The following TBCK variants were observed in gnomAD, a reference collection of about 807,000 sequenced individuals.
TBCK encodes the protein TBC domain-containing protein kinase-like protein.
In TBCK, 99 loss-of-function variants were observed where a neutral mutation model predicts 113.4. That is an observed-to-expected ratio of 0.87 (90% CI 0.74 to 1.03). The LOEUF is 1.03. TBCK is among the 50% of genes least tolerant of loss of function. The pLI is 0.00. For synonymous variants in TBCK, 369 were observed against 370.8 expected, an observed-to-expected ratio of 1.00 and a Z score of 0.05; for missense variants, 1,045 against 1,061.3, an observed-to-expected ratio of 0.98 and a Z score of 0.21.
intron 3 of TBCK, among the ~76,000 whole-genome samples, chr4:106,289,454 A>G (rs1314708929): frequency 6.6e-6 from 1 of 152,236 alleles, no homozygotes; most frequent in Admixed American, 6.5e-5. Context: ...AGTCTATAAA[A>G]ATATAACAAA....
chr4:106,118,571 C>G (rs1350831113), intron 23 of TBCK, among the ~76,000 whole-genome samples: 1 of 152,170 alleles, frequency 6.6e-6, no homozygotes, highest in East Asian at 1.9e-4. Context: ...AGATTGCAAT[C>G]TCTACAGGTA....
intron 25 of TBCK, among the ~76,000 whole-genome samples, chr4:106,072,328 A>C (rs920600249): frequency 6.6e-6 from 1 of 152,166 alleles, no homozygotes; most frequent in Non-Finnish European, 1.5e-5. Context: ...TTGTCTGTAA[A>C]GGATTTTATT....
chr4:106,106,251 C>T (rs1742138033), intron 24 of TBCK, among the ~76,000 whole-genome samples: 1 of 152,132 alleles, frequency 6.6e-6, no homozygotes, highest in African/African-American at 2.4e-5. Context: ...ACTTCCCTAA[C>T]CTTGCTAAAG....
chr4:106,209,532 C>A (rs911748665), intron 20 of TBCK, among the ~76,000 whole-genome samples: 1 of 152,096 alleles, frequency 6.6e-6, no homozygotes, highest in Admixed American at 6.5e-5. Flanking sequence ...ATATTTAAGT[C>A]TTCTAATGGA....
chr4:106,071,926 CT>C (rs1197755876), intron 25 of TBCK, among the ~76,000 whole-genome samples: 2 of 149,856 alleles, frequency 1.3e-5, no homozygotes, highest in African/African-American at 4.9e-5. Flanking sequence ...CAACCCCTTC[CT>C]TTTTTTGCTT....
chr4:106,209,517 A>G (rs73838155), intron 20 of TBCK, among the ~76,000 whole-genome samples: 2,771 of 152,310 alleles, frequency 0.018, 76 homozygotes, highest in African/African-American at 0.061. Context: ...CAAATATAAT[A>G]TTCCATATTT....
chr4:106,176,060 A>T (rs1328739062), intron 22 of TBCK, among the ~76,000 whole-genome samples: 1 of 152,128 alleles, frequency 6.6e-6, no homozygotes, highest in Non-Finnish European at 1.5e-5. Flanking sequence ...TACATAGTTT[A>T]TGTATTAATT....
chr4:106,293,749 C>T (rs1303038299), intron 3 of TBCK, among the ~76,000 whole-genome samples: 2 of 152,118 alleles, frequency 1.3e-5, no homozygotes, highest in East Asian at 3.9e-4. Context: ...GCTTTTCTTC[C>T]CTTGAAAAAG....
chr4:106,069,291 G>T (rs1737069759), intron 25 of TBCK, among the ~76,000 whole-genome samples: 1 of 152,200 alleles, frequency 6.6e-6, no homozygotes, highest in African/African-American at 2.4e-5. Flanking sequence ...TAATATTTAA[G>T]TCTTTCATCC....
chr4:106,205,872 T>C (rs915044232), intron 20 of TBCK, among the ~76,000 whole-genome samples: 6 of 151,894 alleles, frequency 4.0e-5, no homozygotes, highest in African/African-American at 1.4e-4. Flanking sequence ...ATTTTCTTCA[T>C]ATAGTTAAAC....
chr4:106,262,147 C>A lies in TBCK; in HGVS notation c.332G>T (p.Gly111Val), dbSNP rs1017048327. The A allele has an allele frequency of 4.5e-6, 7 of 1,548,416 alleles. No homozygotes were observed. In the African/African-American group the frequency reaches 8.2e-5, roughly 18 times the overall value. ...LQGLQYMNKH[G>V]IVHRALSPHN... ...AGGAGACAATGCCCTGTGTACTATA[C>A]CATGTTTGTTCATATACTGCAAGCC... The change falls in exon 4 of 26, where the codon GGT becomes GTT. Residue 111 changes from glycine to valine, a missense_variant. Transcript: ENST00000394708.
chr4:106,177,131 CT>C (rs1751766535), intron 22 of TBCK, among the ~76,000 whole-genome samples: 1 of 151,882 alleles, frequency 6.6e-6, no homozygotes, highest in Non-Finnish European at 1.5e-5. Context: ...ACCATCACAT[CT>C]GTCTCTATGT....
intron 20 of TBCK, among the ~76,000 whole-genome samples, chr4:106,209,818 A>C (rs1227648080): frequency 6.6e-6 from 1 of 151,892 alleles, no homozygotes; most frequent in East Asian, 1.9e-4. Context: ...TTAAGTTTTT[A>C]TATTTATCTC....
chr4:106,242,171 C>T (rs1265687302), intron 12 of TBCK, among the ~76,000 whole-genome samples: 1 of 151,962 alleles, frequency 6.6e-6, no homozygotes, highest in Non-Finnish European at 1.5e-5. Context: ...AATACCTTTC[C>T]ATACCATTAG....
At chr4:106,124,786 G>A (rs995899000) in intron 23 of TBCK, among the ~76,000 whole-genome samples, 1 of 151,762 alleles carries the variant, frequency 6.6e-6, no homozygotes, top group African/African-American at 2.4e-5. Flanking sequence ...TCACTCATAG[G>A]TGGGAACTGA....
At chr4:106,251,504 A>G (rs190405980) in intron 6 of TBCK, among the ~76,000 whole-genome samples, 153 of 152,080 alleles carry the variant, frequency 1.0e-3, no homozygotes, top group African/African-American at 3.6e-3. Context: ...CATTACTGTC[A>G]TATCAATCTT....
intron 22 of TBCK, among the ~76,000 whole-genome samples, chr4:106,188,088 G>T (rs1753239847): frequency 6.6e-6 from 1 of 152,116 alleles, no homozygotes; most frequent in African/African-American, 2.4e-5. Context: ...GTACTATGTG[G>T]AATAGGAGTG....
rs751921199 is a variant in TBCK, at chr4:106,050,919, G to A, written c.2572-4239C>T. 5.9e-4 allele frequency among the ~76,000 whole-genome samples: 89 copies of A among 152,052 alleles called. 1 individual carries two copies. Among genetic ancestry groups the A allele is most frequent in the Non-Finnish European group, 1.0e-3 (68 of 67,908 alleles). On this transcript the variant is annotated intron_variant, in intron 25 of 25. Coordinates refer to ENST00000394708, the MANE Select transcript of TBCK (RefSeq NM_001163435.3). ...ATCTGGTGCTGGAATTCATTTCTAGGATGTGGTCAGGCACACCTTAATACA... is the reference window on the plus strand; with the variant it reads ...ATCTGGTGCTGGAATTCATTTCTAGAATGTGGTCAGGCACACCTTAATACA...
At chr4:106,091,492 G>A (rs566259766) in intron 25 of TBCK, among the ~76,000 whole-genome samples, 1 of 152,160 alleles carries the variant, frequency 6.6e-6, no homozygotes, top group African/African-American at 2.4e-5. Flanking sequence ...TCCAGAGTTT[G>A]TTCCTTCTGA....
Sources: allele counts gnomAD v4.1 joint callset (sites outside exome capture counted in the v4.1 genomes callset), GRCh38; gene constraint gnomAD v4.1.1; transcripts MANE v1.5; gene names NCBI Gene and HGNC (gene_info 2026-07-23, HGNC 2026-07-21).